Variants in NTNG1 observed in about 807,000 individuals in gnomAD.
The protein encoded by NTNG1 is netrin-G1.
A neutral mutation model predicts 54.0 loss-of-function variants in NTNG1; 16 were observed. The ratio of observed to expected loss-of-function variants is 0.30; its 90% CI spans 0.20 to 0.45. The LOEUF (loss-of-function observed/expected upper bound fraction) is 0.45, where lower values mean the gene tolerates loss of function less well. NTNG1 is among the 20% of genes least tolerant of loss of function. The pLI is 1.00. For synonymous variants in NTNG1, 255 were observed against 263.1 expected (o/e 0.97, Z 0.30); for missense variants, 530 against 678.7 (o/e 0.78, Z 2.43).
At chr1:107,260,248 C>T (rs1663222704) in intron 2 of NTNG1, among the ~76,000 whole-genome samples, 1 of 152,150 alleles carries the variant, frequency 6.6e-6, no homozygotes, top group Admixed American at 6.5e-5. Context: ...TTGAACTGAC[C>T]TTGAGAAGAG....
At chr1:107,222,180 C>G (rs756921430) in intron 2 of NTNG1, among the ~76,000 whole-genome samples, 11 of 152,108 alleles carry the variant, frequency 7.2e-5, no homozygotes, top group Non-Finnish European at 1.6e-4. Flanking sequence ...ATCTGGATAG[C>G]TTCTCTTCTG....
At chr1:107,412,133 GC>G (rs1264567645) in intron 5 of NTNG1, among the ~76,000 whole-genome samples, 1 of 150,512 alleles carries the variant, frequency 6.6e-6, no homozygotes, top group Non-Finnish European at 1.5e-5. Flanking sequence ...TGATATCTCT[GC>G]CTTTGCCAGT....
chr1:107,415,735 T>G (rs960024), intron 5 of NTNG1, among the ~76,000 whole-genome samples: 92,533 of 152,030 alleles, frequency 0.61, 29,046 homozygotes, highest in Middle Eastern at 0.69. Flanking sequence ...GTTGACGTAT[T>G]ATAATTCATT....
chr1:107,412,943 C>A (rs527382245), intron 5 of NTNG1, among the ~76,000 whole-genome samples: 17 of 152,134 alleles, frequency 1.1e-4, no homozygotes, highest in African/African-American at 3.9e-4. Flanking sequence ...AAATAAAATT[C>A]GATATGCCAT....
intron 3 of NTNG1, among the ~76,000 whole-genome samples, chr1:107,330,077 G>A (rs751902880): frequency 6.6e-6 from 1 of 152,068 alleles, no homozygotes. Flanking sequence ...AAGCAGCCAG[G>A]AAAGAATGGA....
chr1:107,355,799 A>G (rs4317836), intron 3 of NTNG1, among the ~76,000 whole-genome samples: 16,396 of 152,060 alleles, frequency 0.11, 1,058 homozygotes, highest in African/African-American at 0.16. Flanking sequence ...TTCACAATAC[A>G]AGTCCAACCA....
At chr1:107,278,939 G>A (rs1664658113) in intron 2 of NTNG1, among the ~76,000 whole-genome samples, 1 of 151,870 alleles carries the variant, frequency 6.6e-6, no homozygotes, top group South Asian at 2.1e-4. Flanking sequence ...TTTTTATGTT[G>A]TTAGGATTCT....
At chr1:107,357,734 G>A (rs902350263) in intron 3 of NTNG1, among the ~76,000 whole-genome samples, 5 of 151,954 alleles carry the variant, frequency 3.3e-5, no homozygotes, top group African/African-American at 4.8e-5. Flanking sequence ...TTAACAATTC[G>A]TTTTTCACAA....
chr1:107,264,527 T>C (rs1329372709), intron 2 of NTNG1, among the ~76,000 whole-genome samples: 1 of 152,230 alleles, frequency 6.6e-6, no homozygotes, highest in Non-Finnish European at 1.5e-5. Context: ...TTCCTTTCAT[T>C]TTTTATAAAT....
intron 3 of NTNG1, among the ~76,000 whole-genome samples, chr1:107,335,361 G>A (rs1468268664): frequency 1.3e-5 from 2 of 151,984 alleles, no homozygotes; most frequent in East Asian, 1.9e-4. Flanking sequence ...TGTAAATGAT[G>A]CCTTTACATA....
At chr1:107,373,104 T>A (rs1671026368) in intron 3 of NTNG1, among the ~76,000 whole-genome samples, 1 of 152,172 alleles carries the variant, frequency 6.6e-6, no homozygotes, top group African/African-American at 2.4e-5. Flanking sequence ...TCTTTAGACT[T>A]AAAGGTAATA....
intron 7 of NTNG1, among the ~76,000 whole-genome samples, chr1:107,465,853 A>G (rs950849554): frequency 1.3e-5 from 2 of 152,232 alleles, no homozygotes; most frequent in African/African-American, 4.8e-5. Flanking sequence ...AATAATACCT[A>G]TGTACCAGAT....
At chr1:107,374,203 G>T (rs1192076620) in intron 3 of NTNG1, among the ~76,000 whole-genome samples, 1 of 152,102 alleles carries the variant, frequency 6.6e-6, no homozygotes, top group East Asian at 1.9e-4. Context: ...GGGCATGTTT[G>T]TTTAAGATGT....
At chr1:107,267,034 C>A (rs1223675984) in intron 2 of NTNG1, among the ~76,000 whole-genome samples, 1 of 152,168 alleles carries the variant, frequency 6.6e-6, no homozygotes, top group Non-Finnish European at 1.5e-5. Context: ...ATAGTCACAA[C>A]ACATTGTACT....
chr1:107,309,711 C>G (rs1422282761), intron 2 of NTNG1, among the ~76,000 whole-genome samples: 2 of 152,136 alleles, frequency 1.3e-5, no homozygotes, highest in East Asian at 3.8e-4. Flanking sequence ...TTCTGGAAAA[C>G]TAATGAAGAA....
In NTNG1 at chr1:107,321,915, A is replaced by G. The variant is rs78469680; in HGVS notation, c.247-2367A>G. Among the ~76,000 whole-genome samples the G allele has an allele frequency of 2.1e-3, 324 of 152,194 alleles. 4 individuals are homozygous for G. The highest frequency in any genetic ancestry group is 7.3e-3 in the African/African-American group (305 of 41,540). On this transcript the variant is annotated intron_variant, in intron 2 of 7. Coordinates refer to ENST00000370068, the MANE Select transcript of NTNG1 (RefSeq NM_001113226.3). ...ATCACTGCCTCTTACTGACTTTATT[A>G]TGTGACCTTGGACAAATTACTTAAC...
chr1:107,385,315 T>TCTGGTCTCTGCCATAGTCCATGTGGTC (rs1419725768), intron 3 of NTNG1, among the ~76,000 whole-genome samples: 7 of 152,166 alleles, frequency 4.6e-5, no homozygotes, highest in Non-Finnish European at 8.8e-5. Context: ...GCCACTACTC[T>TCTGGTCTCTGCCATAGTCCATGTGGTC]CTGGTCTCTG....
At chr1:107,326,830 A>G (rs751559424) in intron 3 of NTNG1, among the ~76,000 whole-genome samples, 11 of 152,114 alleles carry the variant, frequency 7.2e-5, no homozygotes, top group Admixed American at 1.3e-4. Flanking sequence ...ATTAGTATTC[A>G]TTTTGTTTCC....
intron 2 of NTNG1, among the ~76,000 whole-genome samples, chr1:107,190,630 A>T (rs541619161): frequency 6.6e-6 from 1 of 151,706 alleles, no homozygotes; most frequent in African/African-American, 2.4e-5. Flanking sequence ...CCTGTGTCCA[A>T]GTGTTCTCAT....
Sources: gnomAD v4.1 joint callset for allele counts (sites outside exome capture counted in the v4.1 genomes callset) on GRCh38, gnomAD v4.1.1 for gene constraint, MANE v1.5 for transcripts, NCBI Gene and HGNC (gene_info 2026-07-23, HGNC 2026-07-21) for gene names.